The following FAT3 variants were observed in gnomAD, a reference collection of about 807,000 sequenced individuals.
FAT3 encodes protocadherin Fat 3.
A neutral mutation model predicts 310.2 loss-of-function variants in FAT3; 95 were observed. The ratio of observed to expected loss-of-function variants is 0.31; its 90% CI spans 0.26 to 0.36. The LOEUF is 0.36. FAT3 is among the 10% of genes least tolerant of loss of function. The pLI, the probability that FAT3 is intolerant of heterozygous loss-of-function variation, is 1.00. For missense variants in FAT3, 5,408 were observed against 5,715.6 expected (o/e 0.95, Z 1.74); for synonymous variants, 2,314 against 2,192.9 (o/e 1.06, Z -1.54).
chr11:92,872,401 C>T (rs1949411827), intron 22 of FAT3, among the ~76,000 whole-genome samples: 1 of 152,206 alleles, frequency 6.6e-6, no homozygotes. Context: ...CACCCACTGG[C>T]TTACTGAGCT....
intron 1 of FAT3, among the ~76,000 whole-genome samples, chr11:92,278,612 A>G (rs1007826173): frequency 5.9e-5 from 9 of 152,168 alleles, no homozygotes; most frequent in Admixed American, 3.3e-4. Flanking sequence ...TTATGTGTCT[A>G]CATATATATA....
intron 2 of FAT3, among the ~76,000 whole-genome samples, chr11:92,479,896 G>A (rs997159110): frequency 5.3e-5 from 8 of 152,014 alleles, no homozygotes; most frequent in Non-Finnish European, 1.0e-4. Flanking sequence ...CAGTGTGGGT[G>A]TCATGTGGTC....
At chr11:92,783,333 G>A (rs1054035737) in intron 7 of FAT3, among the ~76,000 whole-genome samples, 2 of 143,276 alleles carry the variant, frequency 1.4e-5, no homozygotes, top group Non-Finnish European at 3.0e-5. Context: ...ACTCCAGCCT[G>A]GGTGACAGAG....
At chr11:92,624,604 A>C (rs980910621) in intron 3 of FAT3, among the ~76,000 whole-genome samples, 1 of 152,172 alleles carries the variant, frequency 6.6e-6, no homozygotes, top group Non-Finnish European at 1.5e-5. Flanking sequence ...TTAAAGTCTA[A>C]TAAGGTGGTA....
chr11:92,828,002 G>T (rs1260179724), intron 13 of FAT3, among the ~76,000 whole-genome samples: 1 of 152,112 alleles, frequency 6.6e-6, no homozygotes, highest in Non-Finnish European at 1.5e-5. Context: ...AATTGGAGAA[G>T]AGAATTACAT....
At chr11:92,871,571 A>T (rs1419508112) in intron 22 of FAT3, among the ~76,000 whole-genome samples, 4 of 152,124 alleles carry the variant, frequency 2.6e-5, no homozygotes, top group African/African-American at 9.7e-5. Flanking sequence ...TCACCTAAGG[A>T]CCTTGTTTAA....
intron 2 of FAT3, among the ~76,000 whole-genome samples, chr11:92,507,026 T>G (rs150418106): frequency 0.01 from 1,575 of 152,290 alleles, 21 homozygotes; most frequent in African/African-American, 0.035. Flanking sequence ...CACACTGAAT[T>G]CTGTTTTAAG....
intron 4 of FAT3, among the ~76,000 whole-genome samples, chr11:92,751,564 G>A (rs182236067): frequency 6.6e-6 from 1 of 152,182 alleles, no homozygotes; most frequent in Non-Finnish European, 1.5e-5. Context: ...CAAGTCTTGA[G>A]TGCTGAAAGA....
Position 92,800,536 on chromosome 11 carries a change from A to G in FAT3, c.7523A>G (p.Asn2508Ser). Residue 2508 changes from asparagine to serine, a missense_variant, in exon 10 of 28, where the codon AAC becomes AGC. Transcript: ENST00000525166. ...ACATACGTAGCTGAGGTGAGAGAGA[A>G]CGTGGCTGCAGGAACAAAGGTAATT... ...QSTYVAEVRE[N>S]VAAGTKVIHV... 1 of 1,613,916 alleles carries G rather than the reference A, an allele frequency of 6.2e-7. No homozygotes were observed. The highest frequency in any genetic ancestry group is 8.5e-7 in the Non-Finnish European group (1 of 1,179,872).
chr11:92,268,052 CAA>C (rs34936870), intron 1 of FAT3, among the ~76,000 whole-genome samples: 20 of 86,780 alleles, frequency 2.3e-4, no homozygotes, highest in African/African-American at 6.0e-4. Context: ...CTAAGTCCTT[CAA>C]AAAAAAAAAA....
chr11:92,531,397 G>T (rs1294533792), intron 3 of FAT3, among the ~76,000 whole-genome samples: 1 of 152,128 alleles, frequency 6.6e-6, no homozygotes, highest in African/African-American at 2.4e-5. Flanking sequence ...TCACAACTGT[G>T]GGTTGAGGGT....
intron 3 of FAT3, among the ~76,000 whole-genome samples, chr11:92,588,685 C>A (rs1939274321): frequency 6.7e-6 from 1 of 148,202 alleles, no homozygotes; most frequent in Non-Finnish European, 1.5e-5. Context: ...ATCAACCATT[C>A]TTCTGTTAGA....
intron 1 of FAT3, among the ~76,000 whole-genome samples, chr11:92,324,702 G>A (rs1055534341): frequency 3.3e-5 from 5 of 152,276 alleles, no homozygotes; most frequent in East Asian, 1.9e-4. Context: ...AAATGGCGCC[G>A]ATAGACTTGC....
At chr11:92,509,318 G>T (rs993805809) in intron 2 of FAT3, among the ~76,000 whole-genome samples, 1 of 152,144 alleles carries the variant, frequency 6.6e-6, no homozygotes, top group Non-Finnish European at 1.5e-5. Context: ...ATTTAAAAAT[G>T]TGTATCTCCT....
rs541892422 is a variant in FAT3 at position 92,895,268 on chromosome 11, T to G, written c.*4155T>G. On this transcript the variant is annotated 3_prime_UTR_variant, in exon 28 of 28. Coordinates refer to ENST00000525166, the MANE Select transcript of FAT3 (RefSeq NM_001367949.2). ...AAGGTGGTTATATGTTTTTGCTGGT[T>G]TGTGTCCCACAGTGTTCAACTGCAC... The G allele has an allele frequency of 1.3e-5, 2 of 152,348 alleles. No homozygotes were observed. Among genetic ancestry groups the G allele is most frequent in the South Asian group, 4.1e-4 (2 of 4,832 alleles). 9.4% of individuals were successfully genotyped at this position (152,348 alleles called of 1,614,324 possible). A position where few individuals can be genotyped will look rare whatever the true frequency, so the allele number is the denominator to read the frequency against.
chr11:92,754,400 C>T (rs1485523392), intron 4 of FAT3, among the ~76,000 whole-genome samples: 8 of 151,426 alleles, frequency 5.3e-5, no homozygotes, highest in East Asian at 3.9e-4. Flanking sequence ...CCGAGGCGGG[C>T]GGATCACGAG....
chr11:92,810,003 C>T lies in FAT3; in HGVS notation c.9408C>T (p.Tyr3136=). 6.2e-7 allele frequency: 1 copy of T among 1,613,986 alleles called. No homozygotes were observed. The highest frequency in any genetic ancestry group is 2.2e-5 in the East Asian group (1 of 44,870). ...CCCCTGTGTTTTCTTCTGACCACTA[C>T]AACACCTGTGTCTATGAGAACACAG... ...DNPPVFSSDH[Y]NTCVYENTAT... is the part of the protein sequence containing the mutation. The change falls in exon 13 of 28, where the codon TAC becomes TAT. Residue 3136 remains tyrosine (Y), a synonymous_variant. Transcript: ENST00000525166.
At chr11:92,528,547 C>A (rs771743164) in intron 3 of FAT3, among the ~76,000 whole-genome samples, 3 of 152,154 alleles carry the variant, frequency 2.0e-5, no homozygotes, top group Non-Finnish European at 4.4e-5. Context: ...CCACCACACC[C>A]GGCTAATTTT....
At chr11:92,740,777 CAT>C (rs958070836) in intron 4 of FAT3, among the ~76,000 whole-genome samples, 3 of 152,132 alleles carry the variant, frequency 2.0e-5, no homozygotes, top group Admixed American at 1.3e-4. Flanking sequence ...TTAGAACACT[CAT>C]GTGATTTTAT....
Sources: allele counts gnomAD v4.1 joint callset (sites outside exome capture counted in the v4.1 genomes callset), GRCh38; gene constraint gnomAD v4.1.1; transcripts MANE v1.5; gene names NCBI Gene and HGNC (gene_info 2026-07-23, HGNC 2026-07-21).